The following FTCDNL1 variants were observed in gnomAD, a reference collection of about 807,000 sequenced individuals.
FTCDNL1 encodes the protein formiminotransferase N-terminal subdomain-containing protein.
A neutral mutation model predicts 5.9 loss-of-function variants in FTCDNL1; 11 were observed. The observed-to-expected ratio is 1.87, with a 90% CI of 1.18 to 3.10. The LOEUF (loss-of-function observed/expected upper bound fraction) is 3.10, where lower values mean the gene tolerates loss of function less well. Among genes scored for constraint, FTCDNL1 ranks in the 30% most tolerant of loss-of-function variants. The probability of loss-of-function intolerance (pLI) is 0.00; values close to 1 mark genes in which losing one functional copy is unlikely to be tolerated. For synonymous variants in FTCDNL1, 58 were observed against 24.8 expected (o/e 2.34, Z -3.99); for missense variants, 115 against 65.5 (o/e 1.76, Z -2.61).
At chr2:199,737,009 G>A in the FTCDNL1 span, among the ~76,000 whole-genome samples, 1 of 152,236 alleles carries the variant, frequency 6.6e-6, no homozygotes, top group African/African-American at 2.4e-5. Context: ...GCCATTGGCT[G>A]CCAGACTGCT....
At chr2:199,704,010 G>A in the FTCDNL1 span, among the ~76,000 whole-genome samples, 3 of 152,168 alleles carry the variant, frequency 2.0e-5, no homozygotes, top group African/African-American at 2.4e-5. Context: ...TCCTGAATCA[G>A]TCTTGATTTC....
chr2:199,754,337 GC>G, the FTCDNL1 span, among the ~76,000 whole-genome samples: 3 of 152,156 alleles, frequency 2.0e-5, no homozygotes, highest in Admixed American at 2.0e-4. Flanking sequence ...GAAGTGGCAT[GC>G]CCCCTCCTAG....
At chr2:199,820,618 A>G (rs1188716480) in intron 3 of FTCDNL1, among the ~76,000 whole-genome samples, 1 of 152,226 alleles carries the variant, frequency 6.6e-6, no homozygotes, top group Admixed American at 6.5e-5. Context: ...CAGATGCTAC[A>G]TAAGGAAGCC....
At position 199,809,939 on chromosome 2, in the gene FTCDNL1, T is replaced by C. The variant is rs1700941658; in HGVS notation, c.*2766A>G. Among the ~76,000 whole-genome samples the C allele has an allele frequency of 6.6e-6, 1 of 152,114 alleles. No individual in the cohort carries two copies. The highest frequency in any genetic ancestry group is 2.4e-5 in the African/African-American group (1 of 41,430). On this transcript the variant is annotated 3_prime_UTR_variant, in exon 5 of 5. Transcript: ENST00000420128. The stretch of plus-strand genomic sequence containing the variant: ...GGTAACCCTCCCATTTTTTAGTCAC[T>C]TAGTATCTGATTTTATTTTGCTGAT...
the FTCDNL1 span, among the ~76,000 whole-genome samples, chr2:199,684,029 T>A: frequency 5.3e-5 from 8 of 152,366 alleles, no homozygotes; most frequent in East Asian, 1.5e-3. Flanking sequence ...GGCCTATGTG[T>A]GCTTAACAAA....
At chr2:199,746,570 G>A in the FTCDNL1 span, among the ~76,000 whole-genome samples, 270 of 151,978 alleles carry the variant, frequency 1.8e-3, 1 homozygote, top group African/African-American at 6.4e-3. Context: ...GGCATTAAAA[G>A]CAATAGGCTT....
chr2:199,704,017 T>G, the FTCDNL1 span, among the ~76,000 whole-genome samples: 1 of 152,174 alleles, frequency 6.6e-6, no homozygotes, highest in Non-Finnish European at 1.5e-5. Context: ...TCAGTCTTGA[T>G]TTCAGAGGAC....
At chr2:199,672,729 G>C in the FTCDNL1 span, among the ~76,000 whole-genome samples, 1 of 151,976 alleles carries the variant, frequency 6.6e-6, no homozygotes, top group African/African-American at 2.4e-5. Flanking sequence ...CTTGTTCTCT[G>C]CATCAGGGCA....
the FTCDNL1 span, among the ~76,000 whole-genome samples, chr2:199,705,562 C>T: frequency 6.6e-6 from 1 of 152,112 alleles, no homozygotes; most frequent in South Asian, 2.1e-4. Context: ...ATATTTTGTC[C>T]TACCTAATCC....
chr2:199,685,012 C>T, the FTCDNL1 span, among the ~76,000 whole-genome samples: 15 of 151,946 alleles, frequency 9.9e-5, no homozygotes, highest in African/African-American at 3.6e-4. Context: ...ATGATCATTT[C>T]GTTAAAATTT....
At chr2:199,706,610 C>G in the FTCDNL1 span, among the ~76,000 whole-genome samples, 1 of 152,186 alleles carries the variant, frequency 6.6e-6, no homozygotes, top group Non-Finnish European at 1.5e-5. Flanking sequence ...GTCTTATCTT[C>G]CAAACTTTCC....
intron 3 of FTCDNL1, among the ~76,000 whole-genome samples, chr2:199,839,749 A>AT (rs1191491071): frequency 6.6e-6 from 1 of 152,252 alleles, no homozygotes; most frequent in Non-Finnish European, 1.5e-5. Flanking sequence ...AGAAGTCTCA[A>AT]TAGCAATGTG....
At chr2:199,741,467 T>C in the FTCDNL1 span, among the ~76,000 whole-genome samples, 1 of 152,328 alleles carries the variant, frequency 6.6e-6, no homozygotes, top group Admixed American at 6.5e-5. Context: ...TAATTCAACA[T>C]TTTATTTTTT....
chr2:199,720,178 C>A, the FTCDNL1 span, among the ~76,000 whole-genome samples: 2 of 152,098 alleles, frequency 1.3e-5, no homozygotes. Flanking sequence ...AGGGATAATG[C>A]GATTTCCTCT....
At chr2:199,680,627 A>G in the FTCDNL1 span, among the ~76,000 whole-genome samples, 47 of 152,272 alleles carry the variant, frequency 3.1e-4, no homozygotes, top group East Asian at 8.1e-3. Context: ...AGAGTAAAAG[A>G]CTGTGATGCA....
chr2:199,835,353 A>G (rs1042441369), intron 3 of FTCDNL1, among the ~76,000 whole-genome samples: 4 of 152,210 alleles, frequency 2.6e-5, no homozygotes, highest in Non-Finnish European at 5.9e-5. Context: ...TAGGTAATTA[A>G]AATTGGAGAA....
the FTCDNL1 span, among the ~76,000 whole-genome samples, chr2:199,731,362 A>C: frequency 2.0e-5 from 3 of 149,260 alleles, no homozygotes; most frequent in African/African-American, 7.3e-5. Context: ...AAGGAAAATA[A>C]AAAAATGTTT....
At chr2:199,849,235 G>T (rs926231905) in intron 1 of FTCDNL1, among the ~76,000 whole-genome samples, 5 of 152,310 alleles carry the variant, frequency 3.3e-5, no homozygotes, top group Admixed American at 1.3e-4. Context: ...TCATGTAAGT[G>T]AAAGTTTTTC....
At chr2:199,843,778 C>G (rs2076654874) in intron 3 of FTCDNL1, among the ~76,000 whole-genome samples, 1 of 152,158 alleles carries the variant, frequency 6.6e-6, no homozygotes, top group African/African-American at 2.4e-5. Flanking sequence ...AACCGTGGTA[C>G]AGTTAGACAG....
Sources: allele counts gnomAD v4.1 joint callset (sites outside exome capture counted in the v4.1 genomes callset), GRCh38; gene constraint gnomAD v4.1.1; transcripts MANE v1.5; gene names NCBI Gene and HGNC (gene_info 2026-07-23, HGNC 2026-07-21).